STX18: variants seen among roughly 807,000 people sequenced by gnomAD.
STX18 encodes syntaxin-18.
In STX18, 40 loss-of-function variants were observed where a neutral mutation model predicts 50.1. The ratio of observed to expected loss-of-function variants is 0.80; its 90% CI spans 0.62 to 1.04. The LOEUF (loss-of-function observed/expected upper bound fraction) is 1.04, where lower values mean the gene tolerates loss of function less well. STX18 is among the 50% of genes least tolerant of loss of function. The pLI is 0.00. For synonymous variants in STX18, 158 were observed against 151.8 expected (o/e 1.04, Z -0.30); for missense variants, 410 against 415.8 (o/e 0.99, Z 0.12).
intron 5 of STX18, among the ~76,000 whole-genome samples, chr4:4,446,712 G>A (rs1374076109): frequency 2.0e-5 from 3 of 152,172 alleles, no homozygotes; most frequent in Non-Finnish European, 4.4e-5. Flanking sequence ...GTGTCAAATG[G>A]TGTTATCACT....
chr4:4,443,091 G>A (rs773238156), intron 5 of STX18, among the ~76,000 whole-genome samples: 10 of 152,218 alleles, frequency 6.6e-5, no homozygotes, highest in Admixed American at 3.9e-4. Flanking sequence ...ACCAAACAGT[G>A]TGACTCCTAT....
At chr4:4,453,241 A>C (rs954621933) in intron 5 of STX18, among the ~76,000 whole-genome samples, 1 of 152,252 alleles carries the variant, frequency 6.6e-6, no homozygotes, top group African/African-American at 2.4e-5. Flanking sequence ...GCTATCAAAC[A>C]GCACTGCACA....
At chr4:4,480,089 A>T (rs1353108931) in intron 1 of STX18, among the ~76,000 whole-genome samples, 1 of 152,252 alleles carries the variant, frequency 6.6e-6, no homozygotes, top group Non-Finnish European at 1.5e-5. Flanking sequence ...AGCTGTATAC[A>T]TACATAGAGG....
intron 2 of STX18, among the ~76,000 whole-genome samples, chr4:4,465,747 CA>C (rs1727591299): frequency 6.6e-6 from 1 of 152,192 alleles, no homozygotes; most frequent in Admixed American, 6.5e-5. Flanking sequence ...GCACATCCTA[CA>C]CATGTACCCA....
intron 1 of STX18, chr4:4,476,051 A>T (rs1390451212): frequency 6.6e-6 from 1 of 152,242 alleles, no homozygotes. Context: ...AAGGTGCAGC[A>T]TCACCATGTA....
intron 5 of STX18, among the ~76,000 whole-genome samples, chr4:4,440,099 A>G (rs1294273103): frequency 6.6e-6 from 1 of 152,240 alleles, no homozygotes; most frequent in Non-Finnish European, 1.5e-5. Flanking sequence ...AGGTTATGCA[A>G]TAACAGGCTT....
At chr4:4,514,621 G>A (rs1477545867) in intron 1 of STX18, among the ~76,000 whole-genome samples, 1 of 152,160 alleles carries the variant, frequency 6.6e-6, no homozygotes, top group African/African-American at 2.4e-5. Context: ...CAATAGGATA[G>A]GATAACATCC....
rs192882211 is a variant in STX18, at chr4:4,524,608, G to A, written c.168+17189C>T. 1.5e-3 allele frequency among the ~76,000 whole-genome samples: 229 copies of A among 152,100 alleles called. 2 individuals are homozygous for A. Among genetic ancestry groups the A allele is most frequent in the Admixed American group, 0.014 (220 of 15,282 alleles). On this transcript the variant is annotated intron_variant, in intron 1 of 10. Transcript: ENST00000306200. Reference sequence around the variant, plus strand: ...TCAGTGGCTGCCACAAAGCAAGGGCGTTAGAGGCGCCTTAAAGGCGCCAAC... The same window carrying A: ...TCAGTGGCTGCCACAAAGCAAGGGCATTAGAGGCGCCTTAAAGGCGCCAAC...
chr4:4,423,698 G>GT, intron 8 of STX18, 111 bp from the exon 9 acceptor site: 2 of 722,622 alleles, frequency 2.8e-6, no homozygotes, highest in East Asian at 3.2e-5. Flanking sequence ...GGAGAGACAG[G>GT]GGGCACACTG....
intron 3 of STX18, among the ~76,000 whole-genome samples, chr4:4,458,269 A>C (rs2108817137): frequency 6.6e-6 from 1 of 152,294 alleles, no homozygotes; most frequent in South Asian, 2.1e-4. Context: ...GGTTTTGTTA[A>C]ATATTCCTGT....
chr4:4,478,426 T>C (rs971949995), intron 1 of STX18, among the ~76,000 whole-genome samples: 1 of 152,152 alleles, frequency 6.6e-6, no homozygotes, highest in East Asian at 1.9e-4. Flanking sequence ...GCATTTTGAG[T>C]ATCTATCATC....
intron 1 of STX18, among the ~76,000 whole-genome samples, chr4:4,504,049 A>G (rs193030978): frequency 2.6e-5 from 4 of 152,338 alleles, no homozygotes; most frequent in Admixed American, 2.0e-4. Flanking sequence ...ACTGACTTAC[A>G]CATCTGGTAG....
At chr4:4,536,533 A>C (rs771394148) in intron 1 of STX18, among the ~76,000 whole-genome samples, 4 of 152,362 alleles carry the variant, frequency 2.6e-5, no homozygotes, top group Non-Finnish European at 5.9e-5. Context: ...AGCCATATGG[A>C]ATCTAGGAGA....
chr4:4,428,623 A>G (rs1217614494), intron 7 of STX18, among the ~76,000 whole-genome samples: 2 of 152,090 alleles, frequency 1.3e-5, no homozygotes, highest in Non-Finnish European at 2.9e-5. Flanking sequence ...TCTACCCTCT[A>G]GTCTCAAAGT....
chr4:4,464,417 G>T (rs1373824009), intron 2 of STX18, among the ~76,000 whole-genome samples: 1 of 152,164 alleles, frequency 6.6e-6, no homozygotes, highest in Non-Finnish European at 1.5e-5. Context: ...TAAATATTTA[G>T]TGTGTGAGAA....
chr4:4,472,215 T>G (rs1055129093), intron 1 of STX18, among the ~76,000 whole-genome samples: 1 of 152,142 alleles, frequency 6.6e-6, no homozygotes, highest in Admixed American at 6.5e-5. Context: ...GCTATTTCCA[T>G]GGATGAAGAA....
At chr4:4,465,635 C>T (rs1259274717) in intron 2 of STX18, among the ~76,000 whole-genome samples, 1 of 152,134 alleles carries the variant, frequency 6.6e-6, no homozygotes, top group Non-Finnish European at 1.5e-5. Flanking sequence ...GAAGGGAGAG[C>T]ATCAGGAAGA....
intron 9 of STX18, among the ~76,000 whole-genome samples, chr4:4,422,427 C>T (rs1279188724): frequency 6.6e-6 from 1 of 151,918 alleles, no homozygotes; most frequent in South Asian, 2.1e-4. Context: ...ATTAGCCAGG[C>T]GTGGTGGCAT....
In STX18 at chr4:4,484,113, T is replaced by C. The variant is rs574582627; in HGVS notation, c.169-12407A>G. Among the ~76,000 whole-genome samples the C allele has an allele frequency of 8.5e-3, 1,301 of 152,242 alleles. 8 individuals carry two copies. Among genetic ancestry groups the C allele is most frequent in the Non-Finnish European group, 0.015 (1,016 of 68,004 alleles). Reference sequence around the variant, plus strand: ...TCCTGACCTCGTGATCCGCCCGCCTTGGCCTCCCAAAGTGCTGGGATTACA... The same window carrying C: ...TCCTGACCTCGTGATCCGCCCGCCTCGGCCTCCCAAAGTGCTGGGATTACA... On this transcript the variant is annotated intron_variant, in intron 1 of 10. Transcript: ENST00000306200.
Sources: allele counts gnomAD v4.1 joint callset (sites outside exome capture counted in the v4.1 genomes callset), GRCh38; gene constraint gnomAD v4.1.1; transcripts MANE v1.5; gene names NCBI Gene and HGNC (gene_info 2026-07-23, HGNC 2026-07-21).